Variants in DIP2B observed in about 807,000 individuals in gnomAD.
The protein encoded by DIP2B is DIP2 acetate--CoA ligase B (putative).
A neutral mutation model predicts 198.0 loss-of-function variants in DIP2B; 76 were observed. The ratio of observed to expected loss-of-function variants is 0.38; its 90% CI spans 0.32 to 0.46. The LOEUF (loss-of-function observed/expected upper bound fraction) is 0.46, where lower values mean the gene tolerates loss of function less well. Ranked by LOEUF, DIP2B falls within the 20% of genes least tolerant of loss-of-function variation. The pLI is 0.99. For missense variants in DIP2B, 1,559 were observed against 1,978.4 expected, an observed-to-expected ratio of 0.79 and a Z score of 4.02; for synonymous variants, 701 against 739.1, an observed-to-expected ratio of 0.95 and a Z score of 0.84.
chr12:50,702,581 G>T (rs1375034235), intron 19 of DIP2B, among the ~76,000 whole-genome samples: 1 of 151,532 alleles, frequency 6.6e-6, no homozygotes, highest in Non-Finnish European at 1.5e-5. Flanking sequence ...AAATTATCCG[G>T]GTGCTGTGGT....
At chr12:50,585,408 G>A (rs1409115417) in intron 1 of DIP2B, among the ~76,000 whole-genome samples, 2 of 152,222 alleles carry the variant, frequency 1.3e-5, no homozygotes, top group Non-Finnish European at 1.5e-5. Flanking sequence ...AGGGGATGGA[G>A]GGAATTGAGG....
rs1173696844 is a variant in DIP2B at position 50,622,649 on chromosome 12, C to T, written c.101-3327C>T. ...TTGAGATGGAGTTTCACTCTTGTTG[C>T]CCAGGCTGGAGTACAGCGGTGTGAT... On this transcript the variant is annotated intron_variant, in intron 1 of 37. Coordinates refer to ENST00000301180, the MANE Select transcript of DIP2B (RefSeq NM_173602.3). Among the ~76,000 whole-genome samples, 5 of 152,134 alleles carry T rather than the reference C, an allele frequency of 3.3e-5. No individual in the cohort carries two copies. The East Asian group carries it at 9.6e-4, about 29-fold the overall frequency.
chr12:50,562,279 A>G lies in DIP2B; in HGVS notation c.100+57039A>G, dbSNP rs369312429. 1.1e-4 allele frequency among the ~76,000 whole-genome samples: 16 copies of G among 152,086 alleles called. No individual in the cohort carries two copies. In the East Asian group the frequency reaches 1.2e-3, roughly 11 times the overall value. On this transcript the variant is annotated intron_variant, in intron 1 of 37. Transcript: ENST00000301180. ...ATACAGAAGGTTATATAGCATAGTG[A>G]GGGAGTGTGTATGGTAATAAGAATA...
chr12:50,523,538 T>C (rs1183734346), intron 1 of DIP2B, among the ~76,000 whole-genome samples: 2 of 152,136 alleles, frequency 1.3e-5, no homozygotes, highest in East Asian at 3.8e-4. Flanking sequence ...GAAGATTCTT[T>C]AGGGAATGGA....
rs1938848316 is a variant in DIP2B at position 50,671,254 on chromosome 12, C to A, written c.496C>A (p.Gln166Lys). 1 of 1,614,030 alleles carries A rather than the reference C, an allele frequency of 6.2e-7. No homozygotes were observed. The highest frequency in any genetic ancestry group is 1.7e-5 in the Admixed American group (1 of 59,992). ...RQAALSAALQ[Q>K]SLQNAESWIN... ...AGCTGCGCTCTCTGCTGCCTTGCAA[C>A]AGAGCTTACAGAATGCTGAGTCCTG... The change falls in exon 5 of 38, where the codon CAG (glutamine) becomes AAG (lysine). Residue 166 changes from glutamine to lysine, a missense_variant. Physicochemically the swap from Gln to Lys is moderately conservative, Grantham distance 53. Coordinates refer to ENST00000301180, the MANE Select transcript of DIP2B (RefSeq NM_173602.3).
intron 5 of DIP2B, among the ~76,000 whole-genome samples, chr12:50,673,411 A>G (rs932400771): frequency 6.6e-6 from 1 of 152,198 alleles, no homozygotes; most frequent in African/African-American, 2.4e-5. Flanking sequence ...CTAAAAAACT[A>G]TGTGGTGTTT....
At chr12:50,639,199 C>T (rs1374098498) in intron 2 of DIP2B, among the ~76,000 whole-genome samples, 1 of 151,730 alleles carries the variant, frequency 6.6e-6, no homozygotes, top group Non-Finnish European at 1.5e-5. Flanking sequence ...AGTGATTCTC[C>T]TGCCTCAGCC....
intron 3 of DIP2B, among the ~76,000 whole-genome samples, chr12:50,650,669 C>T (rs1243593714): frequency 1.3e-5 from 2 of 152,136 alleles, no homozygotes; most frequent in African/African-American, 4.8e-5. Flanking sequence ...AATAATATTT[C>T]CTTGTATGTA....
intron 19 of DIP2B, among the ~76,000 whole-genome samples, chr12:50,702,169 G>A (rs1237588748): frequency 3.3e-5 from 5 of 151,872 alleles, no homozygotes; most frequent in Admixed American, 2.6e-4. Context: ...GAATGGTGAA[G>A]CCCCGTCTCT....
At chr12:50,518,172 C>T (rs1484417605) in intron 1 of DIP2B, among the ~76,000 whole-genome samples, 2 of 151,890 alleles carry the variant, frequency 1.3e-5, no homozygotes, top group African/African-American at 4.8e-5. Context: ...TGGGAAGGAG[C>T]ACTGAATTTA....
intron 36 of DIP2B, among the ~76,000 whole-genome samples, 197 bp from the exon 37 acceptor site, chr12:50,741,219 A>G (rs1380312447): frequency 6.6e-6 from 1 of 152,204 alleles, no homozygotes; most frequent in African/African-American, 2.4e-5. Context: ...ACAAATCCTC[A>G]CAGCAGCCAT....
intron 37 of DIP2B, among the ~76,000 whole-genome samples, chr12:50,742,593 T>C (rs2139610555): frequency 6.6e-6 from 1 of 151,888 alleles, no homozygotes; most frequent in African/African-American, 2.4e-5. Flanking sequence ...AGATACTTCT[T>C]TGTCTAAAAA....
At chr12:50,722,124 C>G (rs1461320801) in intron 26 of DIP2B, among the ~76,000 whole-genome samples, 1 of 152,068 alleles carries the variant, frequency 6.6e-6, no homozygotes, top group East Asian at 1.9e-4. Flanking sequence ...ATTCAAAATT[C>G]TGGGTGAAAT....
chr12:50,656,618 C>T (rs1425165102), intron 3 of DIP2B, among the ~76,000 whole-genome samples: 1 of 152,254 alleles, frequency 6.6e-6, no homozygotes, highest in East Asian at 1.9e-4. Flanking sequence ...TTCACCCAGG[C>T]GGGAGTGCAG....
intron 1 of DIP2B, among the ~76,000 whole-genome samples, chr12:50,610,277 G>A (rs1157954071): frequency 1.3e-5 from 2 of 152,116 alleles, no homozygotes; most frequent in East Asian, 3.8e-4. Context: ...AGAATGGTGG[G>A]TAGAGTTTTT....
At chr12:50,684,038 A>T (rs1479095880) in intron 10 of DIP2B, among the ~76,000 whole-genome samples, 1 of 152,046 alleles carries the variant, frequency 6.6e-6, no homozygotes, top group Non-Finnish European at 1.5e-5. Context: ...GATTGAACCC[A>T]GGAGATTGAG....
chr12:50,687,750 G>A (rs1406718279), intron 12 of DIP2B, among the ~76,000 whole-genome samples: 1 of 152,114 alleles, frequency 6.6e-6, no homozygotes, highest in Non-Finnish European at 1.5e-5. Context: ...GGGGCAAGGG[G>A]AGGGAGATCA....
chr12:50,730,735 T>C (rs1471898873), intron 30 of DIP2B, among the ~76,000 whole-genome samples: 1 of 152,180 alleles, frequency 6.6e-6, no homozygotes, highest in Non-Finnish European at 1.5e-5. Flanking sequence ...GCTGTAATTA[T>C]CGGCCTTTGT....
In DIP2B at chr12:50,735,226, G is replaced by A. The variant is rs1940116209; in HGVS notation, c.4101+96G>A. ...GCCATATAATATATTAGTGTCCAGG[G>A]CAAGCCTTAATTGAAATCTGGAGAT... On this transcript the variant is annotated intron_variant, in intron 34 of 37. Coordinates refer to ENST00000301180, the MANE Select transcript of DIP2B (RefSeq NM_173602.3). 4 of 1,380,188 alleles carry A rather than the reference G, an allele frequency of 2.9e-6. No individual in the cohort carries two copies. In the African/African-American group the frequency reaches 5.7e-5, roughly 20 times the overall value. The allele number at this position is 1,380,188 out of a possible 1,614,324, so 85.5% of individuals were successfully genotyped here.
Sources: allele counts gnomAD v4.1 joint callset (sites outside exome capture counted in the v4.1 genomes callset), GRCh38; gene constraint gnomAD v4.1.1; transcripts MANE v1.5; gene names NCBI Gene and HGNC (gene_info 2026-07-23, HGNC 2026-07-21).